RALGAPA2: variants seen among roughly 807,000 people sequenced by gnomAD.
RALGAPA2 encodes the protein Ral GTPase activating protein catalytic subunit alpha 2, also known as ral GTPase-activating protein subunit alpha-2.
RALGAPA2 carries 139 observed loss-of-function variants against 230.4 expected under a neutral mutation model. That is an observed-to-expected ratio of 0.60 (90% CI 0.53 to 0.69). The LOEUF (loss-of-function observed/expected upper bound fraction) is 0.69, where lower values mean the gene tolerates loss of function less well. Ranked by LOEUF, RALGAPA2 falls within the 30% of genes least tolerant of loss-of-function variation. The probability of loss-of-function intolerance (pLI) is 0.00; values close to 1 mark genes in which losing one functional copy is unlikely to be tolerated. For synonymous variants in RALGAPA2, 847 were observed against 837.8 expected (o/e 1.01, Z -0.19); for missense variants, 2,163 against 2,276.0 (o/e 0.95, Z 1.01).
chr20:20,477,672 G>T (rs368925081), intron 36 of RALGAPA2, among the ~76,000 whole-genome samples: 1 of 152,022 alleles, frequency 6.6e-6, no homozygotes, highest in Admixed American at 6.6e-5. Context: ...AGCAACCTCC[G>T]CCTCCCCGGT....
chr20:20,543,196 CA>C (rs1226914923), intron 24 of RALGAPA2, among the ~76,000 whole-genome samples: 1 of 152,114 alleles, frequency 6.6e-6, no homozygotes, highest in East Asian at 1.9e-4. Context: ...AGGCATGTGC[CA>C]CCACACCCAG....
rs1470783884 is a variant in RALGAPA2, at chr20:20,571,928, T to C, written c.2920A>G (p.Ile974Val). The change falls in exon 22 of 40, where the codon ATA (isoleucine) becomes GTA (valine). Residue 974 changes from isoleucine (I) to valine (V), a missense_variant. Transcript: ENST00000202677. ...KLAKIRDNLA[I>V]SLDNQSSPSP... ...GGAGAAGACTGGTTATCCAGGCTTA[T>C]TGCTAGATTATCCCGTATCTAATTC... 23 of 1,608,072 alleles carry C rather than the reference T, an allele frequency of 1.4e-5. No individual in the cohort carries two copies. The highest frequency in any genetic ancestry group is 5.3e-5 in the African/African-American group (4 of 74,866).
intron 37 of RALGAPA2, among the ~76,000 whole-genome samples, chr20:20,432,157 T>C (rs16981912): frequency 0.02 from 3,007 of 152,296 alleles, 84 homozygotes; most frequent in African/African-American, 0.069. Context: ...TCAGAATTCA[T>C]GAGAGGAAGC....
intron 10 of RALGAPA2, among the ~76,000 whole-genome samples, chr20:20,624,608 A>C (rs1032874140): frequency 5.3e-5 from 8 of 152,178 alleles, no homozygotes; most frequent in African/African-American, 1.9e-4. Context: ...ATTAGTAACT[A>C]GAGGGGGCTA....
At position 20,601,713 on chromosome 20, in the gene RALGAPA2, C is replaced by G. The variant is rs771822263; in HGVS notation, c.2172G>C (p.Lys724Asn). 4.3e-6 allele frequency: 7 copies of G among 1,613,032 alleles called. No individual in the cohort carries two copies. The change falls in exon 16 of 40, where the codon AAG becomes AAC. Residue 724 changes from lysine (K) to asparagine (N), a missense_variant. By Grantham distance (94) the Lys-to-Asn change is moderately conservative (BLOSUM62 0). Transcript: ENST00000202677. ...CTTTTTGGCGAACAATATTTCTTGC[C>G]TTTTCCACTCCCGGTGCTCCAGACG... ...ATTSGAPGVE[K>N]ARNIVRQKAT...
intron 38 of RALGAPA2, among the ~76,000 whole-genome samples, chr20:20,403,068 C>A (rs1310862954): frequency 1.3e-5 from 2 of 152,032 alleles, no homozygotes; most frequent in Non-Finnish European, 2.9e-5. Context: ...CTTCTCTGAC[C>A]CCCTATTTTA....
chr20:20,642,372 G>A (rs888805461), intron 5 of RALGAPA2, among the ~76,000 whole-genome samples: 9 of 151,738 alleles, frequency 5.9e-5, no homozygotes, highest in East Asian at 1.9e-4. Context: ...CACCATGCCC[G>A]GCTAATTTTT....
chr20:20,692,912 C>T lies in RALGAPA2; in HGVS notation c.107-12111G>A, dbSNP rs2068966777. Among the ~76,000 whole-genome samples the T allele has an allele frequency of 2.0e-5, 3 of 152,164 alleles. No homozygotes were observed. In the South Asian group the frequency reaches 6.2e-4, roughly 32 times the overall value. Reference sequence around the variant, plus strand: ...AGGAGAAAGAAATTCTTATTACTTGCTTATATTTGAGTTTTTTGTTACTTA... The same window carrying T: ...AGGAGAAAGAAATTCTTATTACTTGTTTATATTTGAGTTTTTTGTTACTTA... On this transcript the variant is annotated intron_variant, in intron 1 of 39. Coordinates refer to ENST00000202677, the MANE Select transcript of RALGAPA2 (RefSeq NM_020343.4).
At chr20:20,635,138 G>A (rs1371384530) in intron 9 of RALGAPA2, among the ~76,000 whole-genome samples, 1 of 152,190 alleles carries the variant, frequency 6.6e-6, no homozygotes, top group Admixed American at 6.5e-5. Flanking sequence ...CAAGTGAGGA[G>A]AATGAGGAGG....
chr20:20,389,628 T>A lies in RALGAPA2; in HGVS notation c.*3661A>T, dbSNP rs2059571679. ...ATGAGAGAAACATATAGCACTGAAG[T>A]GCTGTGTTTCCACTTTATTAAATCA... On this transcript the variant is annotated 3_prime_UTR_variant, in exon 40 of 40. Transcript: ENST00000202677. 1 of 152,146 alleles carries A rather than the reference T, an allele frequency of 6.6e-6. No individual in the cohort carries two copies. Among genetic ancestry groups the A allele is most frequent in the African/African-American group, 2.4e-5 (1 of 41,414 alleles). The allele number at this position is 152,146 out of a possible 1,614,324, so 9.4% of individuals were successfully genotyped here. A position where few individuals can be genotyped will look rare whatever the true frequency, so the allele number is the denominator to read the frequency against.
At chr20:20,611,671 T>C (rs141017440) in intron 13 of RALGAPA2, among the ~76,000 whole-genome samples, 1 of 152,308 alleles carries the variant, frequency 6.6e-6, no homozygotes, top group East Asian at 1.9e-4. Flanking sequence ...TAAAACATCA[T>C]TCCAGCCTGA....
intron 24 of RALGAPA2, among the ~76,000 whole-genome samples, chr20:20,539,557 T>C (rs1453133989): frequency 2.6e-5 from 4 of 152,228 alleles, no homozygotes; most frequent in East Asian, 1.9e-4. Flanking sequence ...AAATACATTA[T>C]AAAATGATTA....
At chr20:20,593,377 T>G (rs1368680882) in intron 16 of RALGAPA2, among the ~76,000 whole-genome samples, 1 of 152,270 alleles carries the variant, frequency 6.6e-6, no homozygotes, top group Non-Finnish European at 1.5e-5. Context: ...ACACAAAGCA[T>G]ATGTGCACAT....
intron 36 of RALGAPA2, among the ~76,000 whole-genome samples, chr20:20,487,628 G>C (rs2061945831): frequency 1.3e-5 from 2 of 152,166 alleles, no homozygotes; most frequent in South Asian, 4.1e-4. Flanking sequence ...GTTTCTCTTG[G>C]CTGGGCACAG....
intron 1 of RALGAPA2, among the ~76,000 whole-genome samples, chr20:20,706,801 C>T (rs2069626848): frequency 6.6e-6 from 1 of 152,076 alleles, no homozygotes; most frequent in South Asian, 2.1e-4. Flanking sequence ...CATAACATGG[C>T]CTTCATAATC....
At chr20:20,494,731 C>T (rs1309709960) in intron 36 of RALGAPA2, among the ~76,000 whole-genome samples, 2 of 152,216 alleles carry the variant, frequency 1.3e-5, no homozygotes, top group East Asian at 1.9e-4. Flanking sequence ...ATTCCATACC[C>T]ACGGTTCTCC....
rs1169773178 is a variant in RALGAPA2, at chr20:20,660,229, G to GA, written c.271-6643dup. Among the ~76,000 whole-genome samples, 922 of 122,908 alleles carry GA rather than the reference G, an allele frequency of 7.5e-3. 7 individuals are homozygous for GA. Among genetic ancestry groups the GA allele is most frequent in the Non-Finnish European group, 0.011 (639 of 57,306 alleles). 80.6% of individuals were successfully genotyped at this position (122,908 alleles called of 152,430 possible). ...GGCAACAGAGCAAGACTCTGTCTTG[G>GA]AAAAAAAAAAAAAAAGACTATCAAA... On this transcript the variant is annotated intron_variant, in intron 3 of 39. Transcript: ENST00000202677.
At chr20:20,676,018 C>T (rs964991280) in intron 3 of RALGAPA2, among the ~76,000 whole-genome samples, 1 of 151,800 alleles carries the variant, frequency 6.6e-6, no homozygotes, top group Non-Finnish European at 1.5e-5. Context: ...GGTACCCATA[C>T]AGGAAAAACT....
chr20:20,414,494 C>A (rs1007067437), intron 37 of RALGAPA2, among the ~76,000 whole-genome samples: 1 of 152,152 alleles, frequency 6.6e-6, no homozygotes, highest in Non-Finnish European at 1.5e-5. Context: ...TACAAAGGGA[C>A]GTTTTGCATA....
Sources: allele counts gnomAD v4.1 joint callset (sites outside exome capture counted in the v4.1 genomes callset), GRCh38; gene constraint gnomAD v4.1.1; transcripts MANE v1.5; gene names NCBI Gene and HGNC (gene_info 2026-07-23, HGNC 2026-07-21).